ALDH3A2: variants seen among roughly 807,000 people sequenced by gnomAD.
ALDH3A2 encodes aldehyde dehydrogenase family 3 member A2.
In ALDH3A2, 36 loss-of-function variants were observed where a neutral mutation model predicts 51.3. The ratio of observed to expected loss-of-function variants is 0.70; its 90% confidence interval spans 0.54 to 0.93. The LOEUF is 0.93. Ranked by LOEUF, ALDH3A2 falls within the 40% of genes least tolerant of loss-of-function variation. ALDH3A2 has a pLI of 0.00. For synonymous variants in ALDH3A2, 199 were observed against 219.8 expected (o/e 0.91, Z 0.84); for missense variants, 552 against 603.1 (o/e 0.92, Z 0.89).
chr17:19,649,347 C>T (rs117553817), intron 1 of ALDH3A2: 5 of 563,996 alleles, frequency 8.9e-6, no homozygotes, highest in African/African-American at 8.2e-5. Context: ...TCCTTTTCTG[C>T]CTTTTCTATT....
intron 3 of ALDH3A2, chr17:19,656,163 G>T: frequency 1.6e-6 from 1 of 613,072 alleles, no homozygotes. Context: ...TTAGTTCTAT[G>T]TGGGTTCATG....
chr17:19,673,453 C>T (rs1379168135), intron 9 of ALDH3A2, among the ~76,000 whole-genome samples: 3 of 151,596 alleles, frequency 2.0e-5, no homozygotes, highest in Admixed American at 6.6e-5. Flanking sequence ...CGCAGTGGCT[C>T]ACGCCTGTAA....
At chr17:19,661,104 T>C (rs754390132) in intron 5 of ALDH3A2, 23 bp from the exon 6 acceptor site, 4 of 1,602,614 alleles carry the variant, frequency 2.5e-6, no homozygotes, top group Admixed American at 1.7e-5. Context: ...GTGACATTTA[T>C]ATACTCCTGT....
chr17:19,666,193 G>C (rs977117656), intron 8 of ALDH3A2, among the ~76,000 whole-genome samples: 6 of 152,084 alleles, frequency 3.9e-5, no homozygotes, highest in Admixed American at 3.9e-4. Flanking sequence ...GGCTGATGGA[G>C]TGAATGTTGG....
At chr17:19,668,987 T>C (rs1233361267) in intron 8 of ALDH3A2, among the ~76,000 whole-genome samples, 1 of 148,396 alleles carries the variant, frequency 6.7e-6, no homozygotes, top group Non-Finnish European at 1.5e-5. Flanking sequence ...TTTTTTCTTT[T>C]CTTTTCTTTC....
chr17:19,661,364 C>T (rs1489175348), intron 6 of ALDH3A2, 96 bp downstream of exon 6: 1 of 1,382,702 alleles, frequency 7.2e-7, no homozygotes, highest in Non-Finnish European at 1.0e-6. Context: ...AAATATATAG[C>T]ATTTAATTGT....
At chr17:19,653,287 C>T (rs946309824) in intron 3 of ALDH3A2, among the ~76,000 whole-genome samples, 6 of 152,064 alleles carry the variant, frequency 3.9e-5, no homozygotes, top group South Asian at 2.1e-4. Context: ...TCAGGTGATC[C>T]GCCCAGCTTG....
chr17:19,652,431 T>C, intron 2 of ALDH3A2, 116 bp from the exon 3 acceptor site: 1 of 769,172 alleles, frequency 1.3e-6, no homozygotes, highest in Non-Finnish European at 2.3e-6. Flanking sequence ...ATATGCAGCA[T>C]TGAGAGCTGC....
chr17:19,667,255 G>A (rs1022573971), intron 8 of ALDH3A2, among the ~76,000 whole-genome samples: 4 of 152,138 alleles, frequency 2.6e-5, no homozygotes, highest in Non-Finnish European at 5.9e-5. Flanking sequence ...CATAATTTTA[G>A]TAGCTGCATA....
chr17:19,651,868 C>A, intron 2 of ALDH3A2, 90 bp downstream of exon 2: 1 of 1,194,472 alleles, frequency 8.4e-7, no homozygotes, highest in Non-Finnish European at 1.2e-6. Context: ...TAATTAAATA[C>A]ATTTACTTGG....
At chr17:19,650,673 T>A (rs1261326233) in intron 1 of ALDH3A2, among the ~76,000 whole-genome samples, 2 of 151,744 alleles carry the variant, frequency 1.3e-5, no homozygotes, top group Non-Finnish European at 2.9e-5. Flanking sequence ...CAGGATGGTC[T>A]CCATCTCCTG....
intron 5 of ALDH3A2, among the ~76,000 whole-genome samples, chr17:19,658,672 C>T (rs1013385199): frequency 5.3e-5 from 8 of 151,182 alleles, no homozygotes; most frequent in Non-Finnish European, 1.0e-4. Context: ...CGCTTGAACC[C>T]GGGAGGCAAA....
intron 8 of ALDH3A2, among the ~76,000 whole-genome samples, chr17:19,669,208 C>A (rs1231995850): frequency 6.6e-6 from 1 of 151,872 alleles, no homozygotes; most frequent in African/African-American, 2.4e-5. Context: ...GAGGCTGAGG[C>A]AGAAGAATCG....
intron 3 of ALDH3A2, chr17:19,656,042 A>G: frequency 2.6e-6 from 1 of 377,426 alleles, no homozygotes; most frequent in Non-Finnish European, 5.1e-6. Context: ...CACCAGAGGC[A>G]CTTCTGCACA....
chr17:19,661,003 T>A, intron 5 of ALDH3A2, 124 bp from the exon 6 acceptor site: 1 of 930,138 alleles, frequency 1.1e-6, no homozygotes, highest in Non-Finnish European at 1.7e-6. Flanking sequence ...ACTTGAGGGG[T>A]GGGGTGTTAG....
chr17:19,659,761 A>G (rs1403105675), intron 5 of ALDH3A2: 1 of 150,136 alleles, frequency 6.7e-6, no homozygotes, highest in Admixed American at 6.7e-5. Context: ...GGATCGCTTG[A>G]TCCTCCTGGG....
intron 3 of ALDH3A2, 195 bp from the exon 4 acceptor site, chr17:19,656,171 A>C (rs1237714009): frequency 3.2e-6 from 2 of 629,708 alleles, no homozygotes; most frequent in Non-Finnish European, 5.7e-6. Flanking sequence ...ATGTGGGTTC[A>C]TGCTTCCCAG....
At chr17:19,674,377 G>GGTGCA (rs1272625070) in intron 9 of ALDH3A2, 3 of 152,222 alleles carry the variant, frequency 2.0e-5, no homozygotes, top group African/African-American at 7.2e-5. Context: ...GCCTCCCTCA[G>GGTGCA]GTGCAGTGCA....
intron 8 of ALDH3A2, among the ~76,000 whole-genome samples, chr17:19,667,043 G>T (rs781504415): frequency 5.3e-5 from 8 of 151,996 alleles, no homozygotes; most frequent in Non-Finnish European, 7.4e-5. Context: ...GGAAAAGATA[G>T]AAGAGCCCAA....
Sources: gnomAD v4.1 joint callset for allele counts (sites outside exome capture counted in the v4.1 genomes callset) on GRCh38, gnomAD v4.1.1 for gene constraint, MANE v1.5 for transcripts, NCBI Gene and HGNC (gene_info 2026-07-23, HGNC 2026-07-21) for gene names.